The following ATG4B variants were observed in gnomAD, a reference collection of about 807,000 sequenced individuals.
The protein encoded by ATG4B is autophagy related 4B cysteine peptidase, also known as cysteine protease ATG4B.
Under a neutral mutation model 56.6 loss-of-function variants are expected in ATG4B, and 29 were observed. The observed-to-expected ratio is 0.51, with a 90% confidence interval of 0.38 to 0.70. The LOEUF is 0.70. ATG4B is among the 30% of genes least tolerant of loss of function. The pLI is 0.00. For synonymous variants in ATG4B, 224 were observed against 206.1 expected, an observed-to-expected ratio of 1.09 and a Z score of -0.74; for missense variants, 461 against 515.5, an observed-to-expected ratio of 0.89 and a Z score of 1.02.
chr2:241,666,637 C>T lies in ATG4B; in HGVS notation c.539-8C>T, dbSNP rs535295714. ...GCTTGGTTAGTGAAAGCATGTCTCC[C>T]TTTCTAGGAAGGTTGTGCAGGACCA... On this transcript the variant is annotated splice_region_variant and splice_polypyrimidine_tract_variant and intron_variant, in intron 7 of 12. Coordinates refer to ENST00000404914, the MANE Select transcript of ATG4B (RefSeq NM_013325.5). 4.5e-4 allele frequency: 730 copies of T among 1,612,998 alleles called. 17 individuals are homozygous for T. In the South Asian group the frequency reaches 6.6e-3, roughly 15 times the overall value.
chr2:241,654,419 T>TAAA (rs201525288), intron 4 of ATG4B, 127 bp from the exon 5 acceptor site: 43 of 438,728 alleles, frequency 9.8e-5, no homozygotes, highest in Admixed American at 1.3e-4. Flanking sequence ...AGACTCTGTT[T>TAAA]AAAAAAAAAA....
At chr2:241,658,187 T>G (rs1217138141) in intron 6 of ATG4B, among the ~76,000 whole-genome samples, 1 of 152,178 alleles carries the variant, frequency 6.6e-6, no homozygotes, top group Non-Finnish European at 1.5e-5. Flanking sequence ...GGGTGCGTCT[T>G]CGGCACTGCA....
rs149347614 is a variant in ATG4B at position 241,643,619 on chromosome 2, T to G, written c.10+5895T>G. ...ATATATAAACATATATATACGTATA[T>G]ATACACATAAATATATACACATATA... On this transcript the variant is annotated intron_variant, in intron 1 of 12. Coordinates refer to ENST00000404914, the MANE Select transcript of ATG4B (RefSeq NM_013325.5). 9.5e-3 allele frequency among the ~76,000 whole-genome samples: 1,411 copies of G among 149,188 alleles called. 16 individuals are homozygous for G. Among genetic ancestry groups the G allele is most frequent in the African/African-American group, 0.033 (1,342 of 40,590 alleles).
At chr2:241,645,042 G>A (rs1449378664) in intron 1 of ATG4B, among the ~76,000 whole-genome samples, 1 of 152,076 alleles carries the variant, frequency 6.6e-6, no homozygotes, top group African/African-American at 2.4e-5. Flanking sequence ...GGAGGTCTTT[G>A]TACCGTTCTG....
At chr2:241,649,093 TA>T (rs1355891671) in intron 1 of ATG4B, among the ~76,000 whole-genome samples, 2 of 152,172 alleles carry the variant, frequency 1.3e-5, no homozygotes, top group Non-Finnish European at 2.9e-5. Context: ...ACTTAGAAGT[TA>T]AGTGAGTGGC....
chr2:241,647,559 G>T (rs2068099293), intron 1 of ATG4B, among the ~76,000 whole-genome samples: 1 of 147,196 alleles, frequency 6.8e-6, no homozygotes, highest in South Asian at 2.1e-4. Flanking sequence ...GGCAGAGCTT[G>T]CAGTGAGCCG....
chr2:241,666,216 C>T (rs999892270), intron 7 of ATG4B, among the ~76,000 whole-genome samples: 4 of 152,304 alleles, frequency 2.6e-5, no homozygotes, highest in East Asian at 3.9e-4. Context: ...ATGTGTCCTC[C>T]GGACCATTGA....
rs1464537968 is a variant in ATG4B at position 241,671,500 on chromosome 2, G to A, written c.1108+95G>A. 6 of 1,559,546 alleles carry A rather than the reference G, an allele frequency of 3.8e-6. No individual in the cohort carries two copies. The Admixed American group carries it at 7.7e-5, about 20-fold the overall frequency. On this transcript the variant is annotated intron_variant, in intron 12 of 12. Coordinates refer to ENST00000404914, the MANE Select transcript of ATG4B (RefSeq NM_013325.5). The stretch of plus-strand genomic sequence containing the variant: ...CCCCCTTGGTTTTGACCATTAAGGT[G>A]TGTGTGAGCCTGAGCCGTGAGCACT...
intron 1 of ATG4B, among the ~76,000 whole-genome samples, chr2:241,639,575 C>T (rs919831499): frequency 6.6e-6 from 1 of 152,200 alleles, no homozygotes; most frequent in Non-Finnish European, 1.5e-5. Context: ...CTACACTTAA[C>T]ACTGACAATC....
chr2:241,658,532 G>C (rs1283588264), intron 6 of ATG4B, among the ~76,000 whole-genome samples: 2 of 152,212 alleles, frequency 1.3e-5, no homozygotes, highest in Non-Finnish European at 2.9e-5. Flanking sequence ...ACCTCCGCCA[G>C]ACCTGAGATG....
rs2069044833 is a variant in ATG4B, at chr2:241,673,372, T to G, written c.*1108T>G. ...TGCTGCCTGTCCTGGGAAAGTATCT[T>G]TGCCCCACTAGGAAATGTAAACAGG... On this transcript the variant is annotated 3_prime_UTR_variant, in exon 13 of 13. Coordinates refer to ENST00000404914, the MANE Select transcript of ATG4B (RefSeq NM_013325.5). 1 of 360,738 alleles carries G rather than the reference T, an allele frequency of 2.8e-6. No homozygotes were observed. Among genetic ancestry groups the G allele is most frequent in the Admixed American group, 3.6e-5 (1 of 27,898 alleles). 22.3% of individuals were successfully genotyped at this position (360,738 alleles called of 1,614,324 possible).
intron 7 of ATG4B, chr2:241,659,494 G>A: frequency 2.4e-6 from 1 of 409,074 alleles, no homozygotes. Context: ...CCTCGTGTGG[G>A]AATTCTGGTG....
At position 241,673,653 on chromosome 2, in the gene ATG4B, G is replaced by A. The variant is rs569677968; in HGVS notation, c.*1389G>A. 14 of 456,522 alleles carry A rather than the reference G, an allele frequency of 3.1e-5. 1 individual carries two copies. The highest frequency in any genetic ancestry group is 1.9e-4 in the South Asian group (12 of 64,546). 28.3% of individuals were successfully genotyped at this position (456,522 alleles called of 1,614,324 possible). ...GTGGGGAAGCAGGGAAGGCTGGTGCGATCTCCATTCCTTGGGCTCCACGTC... is the reference window on the plus strand; with the variant it reads ...GTGGGGAAGCAGGGAAGGCTGGTGCAATCTCCATTCCTTGGGCTCCACGTC... On this transcript the variant is annotated 3_prime_UTR_variant, in exon 13 of 13. Coordinates refer to ENST00000404914, the MANE Select transcript of ATG4B (RefSeq NM_013325.5).
Position 241,673,182 on chromosome 2 carries a change from A to G in ATG4B, c.*918A>G. The G allele has an allele frequency of 4.5e-6, 1 of 223,260 alleles. No homozygotes were observed. The allele number at this position is 223,260 out of a possible 1,614,324, so 13.8% of individuals were successfully genotyped here. ...AGGTGTTAGGTGGTTTAGGGCCAAA[A>G]GGGGAAAACCACTTGAGTCTTGTGG... On this transcript the variant is annotated 3_prime_UTR_variant, in exon 13 of 13. Coordinates refer to ENST00000404914, the MANE Select transcript of ATG4B (RefSeq NM_013325.5).
At chr2:241,654,910 A>G (rs1018965902) in intron 5 of ATG4B, 12 of 572,968 alleles carry the variant, frequency 2.1e-5, no homozygotes, top group Admixed American at 3.3e-5. Flanking sequence ...TGCTCGGCAC[A>G]GTCTGGGGAA....
At chr2:241,666,376 T>C (rs1006806941) in intron 7 of ATG4B, among the ~76,000 whole-genome samples, 1 of 152,242 alleles carries the variant, frequency 6.6e-6, no homozygotes, top group Non-Finnish European at 1.5e-5. Flanking sequence ...TGCACGTGGC[T>C]TTTTCTTGCA....
In ATG4B at chr2:241,672,304, G is replaced by C. The variant is rs1252866533; in HGVS notation, c.*40G>C. The stretch of plus-strand genomic sequence containing the variant: ...GGGGTGGCACCTGTGAGAGCCTGGG[G>C]CTCCTGGTGCCGCTGCGTTTCATCC... On this transcript the variant is annotated 3_prime_UTR_variant, in exon 13 of 13. Transcript: ENST00000404914. 2.0e-6 allele frequency: 3 copies of C among 1,503,144 alleles called. No homozygotes were observed. The highest frequency in any genetic ancestry group is 2.7e-6 in the Non-Finnish European group (3 of 1,102,502). The allele number at this position is 1,503,144 out of a possible 1,614,324, so 93.1% of individuals were successfully genotyped here.
chr2:241,657,392 G>A (rs142049354), intron 6 of ATG4B, among the ~76,000 whole-genome samples: 3,607 of 151,536 alleles, frequency 0.024, 213 homozygotes, highest in East Asian at 0.19. Context: ...TCCGCCTCCC[G>A]GGTCCCAGTT....
Position 241,673,457 on chromosome 2 carries a change from C to T in ATG4B, c.*1193C>T, listed in dbSNP as rs1016557946. On this transcript the variant is annotated 3_prime_UTR_variant, in exon 13 of 13. Coordinates refer to ENST00000404914, the MANE Select transcript of ATG4B (RefSeq NM_013325.5). The stretch of plus-strand genomic sequence containing the variant: ...CAGCTACTGCGGCGTTGGCAGGACT[C>T]GCTGCTGCTGCTGCTGCTTGTGTAG... The T allele has an allele frequency of 2.9e-5, 11 of 385,396 alleles. No homozygotes were observed. Among genetic ancestry groups the T allele is most frequent in the East Asian group, 7.5e-5 (1 of 13,288 alleles). The allele number at this position is 385,396 out of a possible 1,614,324, so 23.9% of individuals were successfully genotyped here. A position where few individuals can be genotyped will look rare whatever the true frequency, so the allele number is the denominator to read the frequency against.
Sources: gnomAD v4.1 joint callset for allele counts (sites outside exome capture counted in the v4.1 genomes callset) on GRCh38, gnomAD v4.1.1 for gene constraint, MANE v1.5 for transcripts, NCBI Gene and HGNC (gene_info 2026-07-23, HGNC 2026-07-21) for gene names.